Variants in CDH12 observed in about 807,000 individuals in gnomAD.
The protein encoded by CDH12 is cadherin 12.
In CDH12, 41 loss-of-function variants were observed where a neutral mutation model predicts 74.1. The ratio of observed to expected loss-of-function variants is 0.55; its 90% CI spans 0.43 to 0.72. The LOEUF is 0.72. CDH12 is among the 30% of genes least tolerant of loss of function. The pLI is 0.00. For synonymous variants in CDH12, 399 were observed against 355.0 expected, an observed-to-expected ratio of 1.12 and a Z score of -1.39; for missense variants, 945 against 977.2, an observed-to-expected ratio of 0.97 and a Z score of 0.44.
At chr5:22,334,788 G>T (rs1032577829) in intron 3 of CDH12, among the ~76,000 whole-genome samples, 1 of 152,054 alleles carries the variant, frequency 6.6e-6, no homozygotes, top group African/African-American at 2.4e-5. Flanking sequence ...GGGAAAACTG[G>T]ATATCCATAT....
intron 1 of CDH12, among the ~76,000 whole-genome samples, chr5:22,617,309 G>A (rs918517987): frequency 6.6e-6 from 1 of 152,040 alleles, no homozygotes; most frequent in Non-Finnish European, 1.5e-5. Context: ...GCACCTTGAT[G>A]TTAGACTTCC....
chr5:21,898,498 C>G (rs546294467), intron 6 of CDH12, among the ~76,000 whole-genome samples: 3 of 152,004 alleles, frequency 2.0e-5, no homozygotes, highest in Non-Finnish European at 2.9e-5. Context: ...GTCAGGAGAT[C>G]GAGACCATCC....
At chr5:22,557,056 G>T (rs913528473) in intron 1 of CDH12, among the ~76,000 whole-genome samples, 98 of 152,058 alleles carry the variant, frequency 6.4e-4, no homozygotes, top group African/African-American at 2.3e-3. Flanking sequence ...CCCACCTTTT[G>T]TTCCAGGCTA....
At chr5:22,632,802 C>T (rs559771234) in intron 1 of CDH12, among the ~76,000 whole-genome samples, 180 of 151,858 alleles carry the variant, frequency 1.2e-3, no homozygotes, top group Non-Finnish European at 2.3e-3. Flanking sequence ...AAATATTAAT[C>T]TCTGCCACCA....
chr5:22,619,765 A>G (rs751676241), intron 1 of CDH12, among the ~76,000 whole-genome samples: 1 of 151,822 alleles, frequency 6.6e-6, no homozygotes, highest in Non-Finnish European at 1.5e-5. Flanking sequence ...TACTGGTACT[A>G]TGCTTCCCCC....
At chr5:22,709,205 G>A (rs1743174167) in intron 1 of CDH12, among the ~76,000 whole-genome samples, 1 of 151,932 alleles carries the variant, frequency 6.6e-6, no homozygotes, top group African/African-American at 2.4e-5. Flanking sequence ...ATGAGATCTG[G>A]GAGACAAAAA....
At chr5:22,487,225 C>A (rs1233716205) in intron 2 of CDH12, among the ~76,000 whole-genome samples, 1 of 151,794 alleles carries the variant, frequency 6.6e-6, no homozygotes, top group Non-Finnish European at 1.5e-5. Context: ...TGATTTCGAA[C>A]TCCTGACCTC....
At chr5:22,692,146 A>G (rs1742117009) in intron 1 of CDH12, among the ~76,000 whole-genome samples, 1 of 152,134 alleles carries the variant, frequency 6.6e-6, no homozygotes, top group African/African-American at 2.4e-5. Flanking sequence ...ATTAGTTCCT[A>G]CAATAACTGA....
chr5:22,458,790 T>G (rs201929884), intron 2 of CDH12, among the ~76,000 whole-genome samples: 1 of 152,230 alleles, frequency 6.6e-6, no homozygotes, highest in African/African-American at 2.4e-5. Context: ...TCAAAAGAGT[T>G]TCTTTCAGCT....
intron 4 of CDH12, among the ~76,000 whole-genome samples, chr5:22,090,606 T>C (rs199601032): frequency 1.3e-4 from 19 of 147,644 alleles, no homozygotes; most frequent in South Asian, 4.3e-4. Flanking sequence ...CATACATACA[T>C]ACACACACAC....
intron 6 of CDH12, among the ~76,000 whole-genome samples, chr5:21,878,983 A>C (rs2150028565): frequency 6.6e-6 from 1 of 152,212 alleles, no homozygotes; most frequent in Admixed American, 6.5e-5. Context: ...AAAAAGAGAA[A>C]AATGTCTATG....
intron 1 of CDH12, among the ~76,000 whole-genome samples, chr5:22,718,492 A>T (rs2126985601): frequency 6.6e-6 from 1 of 152,344 alleles, no homozygotes; most frequent in South Asian, 2.1e-4. Context: ...AAGTAAAGGT[A>T]TTAGAAATAT....
intron 1 of CDH12, among the ~76,000 whole-genome samples, chr5:22,739,404 C>A (rs925484706): frequency 4.6e-5 from 7 of 151,862 alleles, no homozygotes; most frequent in Non-Finnish European, 8.8e-5. Flanking sequence ...ACTTTTCTCC[C>A]CCTCTGGACA....
intron 1 of CDH12, among the ~76,000 whole-genome samples, chr5:22,650,622 C>G (rs1402044954): frequency 6.6e-6 from 1 of 152,084 alleles, no homozygotes; most frequent in Non-Finnish European, 1.5e-5. Context: ...TCATTATGCA[C>G]TGCACTGTGT....
chr5:22,582,111 T>C (rs1740135966), intron 1 of CDH12, among the ~76,000 whole-genome samples: 1 of 152,194 alleles, frequency 6.6e-6, no homozygotes, highest in Non-Finnish European at 1.5e-5. Context: ...TGTCAGACTT[T>C]GGGAGCATCC....
intron 3 of CDH12, among the ~76,000 whole-genome samples, chr5:22,322,561 T>C (rs996591706): frequency 3.3e-5 from 5 of 152,210 alleles, no homozygotes; most frequent in Admixed American, 3.3e-4. Context: ...ATGATCATGA[T>C]GATAACTGCT....
intron 3 of CDH12, among the ~76,000 whole-genome samples, chr5:22,391,442 T>C (rs1286978362): frequency 1.3e-5 from 2 of 152,222 alleles, no homozygotes; most frequent in African/African-American, 2.4e-5. Flanking sequence ...AATTTGGGTT[T>C]ACTAGCTTTT....
chr5:22,344,725 T>C (rs185562051), intron 3 of CDH12, among the ~76,000 whole-genome samples: 1 of 152,348 alleles, frequency 6.6e-6, no homozygotes, highest in African/African-American at 2.4e-5. Flanking sequence ...AAGCAATATG[T>C]ATTTTCCAGG....
intron 4 of CDH12, among the ~76,000 whole-genome samples, chr5:22,124,679 T>C (rs1470947869): frequency 1.3e-5 from 2 of 152,266 alleles, no homozygotes; most frequent in East Asian, 1.9e-4. Flanking sequence ...TCAGTTAATG[T>C]ATGGATCCCA....
Sources: gnomAD v4.1 joint callset for allele counts (sites outside exome capture counted in the v4.1 genomes callset) on GRCh38, gnomAD v4.1.1 for gene constraint, MANE v1.5 for transcripts, NCBI Gene and HGNC (gene_info 2026-07-23, HGNC 2026-07-21) for gene names.